The following UPF3A variants were observed in gnomAD, a reference collection of about 807,000 sequenced individuals.
UPF3A encodes regulator of nonsense transcripts 3A.
Under a neutral mutation model 53.5 loss-of-function variants are expected in UPF3A, and 42 were observed. The observed-to-expected ratio is 0.78, with a 90% CI of 0.61 to 1.01. UPF3A has a LOEUF of 1.01. Among genes scored for constraint, UPF3A ranks in the 50% least tolerant of loss-of-function variants. The probability of loss-of-function intolerance (pLI) is 0.00; values close to 1 mark genes in which losing one functional copy is unlikely to be tolerated. For missense variants in UPF3A, 575 were observed against 598.0 expected (o/e 0.96, Z 0.40); for synonymous variants, 237 against 225.3 (o/e 1.05, Z -0.47).
chr13:114,299,374 C>G (rs562370517), intron 8 of UPF3A, among the ~76,000 whole-genome samples: 1 of 152,044 alleles, frequency 6.6e-6, no homozygotes, highest in Non-Finnish European at 1.5e-5. Flanking sequence ...TGATATCTTG[C>G]CCTTTGCTCT....
intron 3 of UPF3A, chr13:114,285,545 C>T (rs751452231): frequency 3.3e-5 from 5 of 150,676 alleles, no homozygotes; most frequent in South Asian, 2.1e-4. Context: ...CTATTACTGA[C>T]AAGTCAAAAA....
At position 114,291,789 on chromosome 13, in the gene UPF3A, TA is replaced by T. The variant is rs1489391938; in HGVS notation, c.845del (p.Lys282SerfsTer40). The stretch of plus-strand genomic sequence containing the variant: ...AAATTGCAGAGAAAGAAGTAAGGAT[TA>T]AGGTAATTCTGAGGAAACATTTCCT... ...KKIAEKEVRI[K>X]LLKKPEKGEE... On this transcript the variant is annotated frameshift_variant and splice_region_variant, in exon 7 of 10. Coordinates refer to ENST00000375299, the MANE Select transcript of UPF3A (RefSeq NM_023011.4). LOFTEE classifies it high-confidence loss of function. 1 of 1,586,146 alleles carries T rather than the reference TA, an allele frequency of 6.3e-7. No individual in the cohort carries two copies. Among genetic ancestry groups the T allele is most frequent in the East Asian group, 2.2e-5 (1 of 44,784 alleles).
At chr13:114,286,718 AC>A in intron 5 of UPF3A, 89 bp downstream of exon 5, 2 of 1,028,742 alleles carry the variant, frequency 1.9e-6, no homozygotes, top group Non-Finnish European at 2.8e-6. Flanking sequence ...GACTGTGATA[AC>A]AAGTTGAAAC....
chr13:114,286,882 G>A (rs1304690251), intron 5 of UPF3A: 1 of 454,738 alleles, frequency 2.2e-6, no homozygotes, highest in African/African-American at 2.0e-5. Context: ...GCTTCCGAAT[G>A]AGCAGTGCAG....
At chr13:114,298,715 G>C (rs970502808) in intron 7 of UPF3A, 125 bp from the exon 8 acceptor site, 1 of 995,262 alleles carries the variant, frequency 1.0e-6, no homozygotes, top group African/African-American at 1.7e-5. Flanking sequence ...TGGACCTTTA[G>C]CTTTAATTCT....
At chr13:114,299,653 C>T (rs2086407184) in intron 8 of UPF3A, among the ~76,000 whole-genome samples, 1 of 152,242 alleles carries the variant, frequency 6.6e-6, no homozygotes, top group Admixed American at 6.5e-5. Context: ...GCATTATCTG[C>T]CCGGTGGGCC....
intron 7 of UPF3A, among the ~76,000 whole-genome samples, chr13:114,297,362 AG>A (rs1246413988): frequency 1.3e-5 from 2 of 152,308 alleles, no homozygotes; most frequent in East Asian, 3.9e-4. Context: ...ATTCTGTTTC[AG>A]GAAAGAGAAT....
At position 114,304,982 on chromosome 13, in the gene UPF3A, G is replaced by A. The variant is rs752812905; in HGVS notation, c.*65G>A. On this transcript the variant is annotated 3_prime_UTR_variant, in exon 10 of 10. Transcript: ENST00000375299. ...ATCCCAGAAACGTGTAAATGACCCC[G>A]AGTGTGACTGGGAAGGAGAACTTAT... 1.8e-4 allele frequency: 282 copies of A among 1,555,606 alleles called. No individual in the cohort carries two copies. The highest frequency in any genetic ancestry group is 2.3e-4 in the Non-Finnish European group (262 of 1,148,802).
intron 7 of UPF3A, among the ~76,000 whole-genome samples, chr13:114,297,291 C>T (rs1310708309): frequency 6.6e-6 from 1 of 150,858 alleles, no homozygotes; most frequent in East Asian, 1.9e-4. Context: ...ATACAGAGAG[C>T]AGGGAGAAAG....
intron 7 of UPF3A, among the ~76,000 whole-genome samples, chr13:114,295,042 G>A (rs1044100827): frequency 4.0e-5 from 6 of 151,108 alleles, no homozygotes; most frequent in Admixed American, 1.3e-4. Flanking sequence ...AACCCGGGAG[G>A]CGGAGCTTGC....
At chr13:114,295,111 CAAA>C (rs60225573) in intron 7 of UPF3A, among the ~76,000 whole-genome samples, 7 of 85,380 alleles carry the variant, frequency 8.2e-5, no homozygotes, top group South Asian at 3.8e-4. Flanking sequence ...GACTCCGTCT[CAAA>C]AAAAAAAAAA....
At chr13:114,293,471 GTTTTATCAT>G (rs1234805089) in intron 7 of UPF3A, among the ~76,000 whole-genome samples, 2 of 152,138 alleles carry the variant, frequency 1.3e-5, no homozygotes, top group Non-Finnish European at 2.9e-5. Flanking sequence ...TCAGAACCGG[GTTTTATCAT>G]TTCTTTGGCA....
intron 7 of UPF3A, among the ~76,000 whole-genome samples, chr13:114,297,386 GAAAACTA>G (rs1399092408): frequency 1.3e-5 from 2 of 152,094 alleles, no homozygotes; most frequent in Non-Finnish European, 2.9e-5. Flanking sequence ...TCAGTGTTTT[GAAAACTA>G]TAAACTATTC....
rs1299005948 is a variant in UPF3A, at chr13:114,281,801, C to T, written c.162C>T (p.Gly54=). The T allele has an allele frequency of 2.6e-6, 4 of 1,552,728 alleles. No homozygotes were observed. ...CAACTTCGTCCTCCGGTTGCGGGGG[C>T]GGTGCGGGCAAACCTCGCGAGGAGA... ...TPPTSSSGCG[G]GAGKPREEKR... Residue 54 remains glycine (G), a synonymous_variant, in exon 1 of 10, where the codon GGC becomes GGT. Transcript: ENST00000375299.
rs755813866 is a variant in UPF3A, at chr13:114,286,615, CAA to C, written c.618_619del (p.Glu208AlafsTer4). 3 of 1,612,872 alleles carry C rather than the reference CAA, an allele frequency of 1.9e-6. No homozygotes were observed. The highest frequency in any genetic ancestry group is 1.7e-5 in the Admixed American group (1 of 59,774). ...CTGCTGGGGGAGATGGAGGCGAAGA[CAA>C]GAGAGCTCATTGGTCTGTTTTGCTC... On this transcript the variant is annotated frameshift_variant, in exon 5 of 10. Transcript: ENST00000375299. LOFTEE classifies it high-confidence loss of function.
chr13:114,282,197 C>T (rs1365574902), intron 2 of UPF3A, 70 bp downstream of exon 2: 4 of 1,264,098 alleles, frequency 3.2e-6, no homozygotes, highest in Non-Finnish European at 4.4e-6. Context: ...CGTCTCGTTG[C>T]CTTACGTTCC....
At chr13:114,289,619 G>A (rs940904145) in intron 5 of UPF3A, among the ~76,000 whole-genome samples, 3 of 151,988 alleles carry the variant, frequency 2.0e-5, no homozygotes, top group Admixed American at 2.0e-4. Flanking sequence ...GCACAGGTCT[G>A]AGAAGCAAGT....
At chr13:114,290,075 T>C (rs1489194921) in intron 5 of UPF3A, among the ~76,000 whole-genome samples, 1 of 152,148 alleles carries the variant, frequency 6.6e-6, no homozygotes, top group African/African-American at 2.4e-5. Context: ...TGTGCTGTAC[T>C]CACCCTGAGC....
intron 5 of UPF3A, chr13:114,287,097 C>G (rs1003248471): frequency 1.3e-5 from 2 of 157,728 alleles, no homozygotes; most frequent in African/African-American, 4.8e-5. Flanking sequence ...AGCACAGAAT[C>G]GAGTTTAAAT....
Sources: gnomAD v4.1 joint callset for allele counts (sites outside exome capture counted in the v4.1 genomes callset) on GRCh38, gnomAD v4.1.1 for gene constraint, MANE v1.5 for transcripts, NCBI Gene and HGNC (gene_info 2026-07-23, HGNC 2026-07-21) for gene names.